USP34: variants seen among roughly 807,000 people sequenced by gnomAD.
The protein encoded by USP34 is ubiquitin specific peptidase 34.
A neutral mutation model predicts 460.3 loss-of-function variants in USP34; 70 were observed. That is an observed-to-expected ratio of 0.15 (90% CI 0.13 to 0.19). The LOEUF (loss-of-function observed/expected upper bound fraction) is 0.19, where lower values mean the gene tolerates loss of function less well. Among genes scored for constraint, USP34 ranks in the 10% least tolerant of loss-of-function variants. USP34 has a pLI of 1.00. For synonymous variants in USP34, 1,647 were observed against 1,405.3 expected (o/e 1.17, Z -3.85); for missense variants, 3,985 against 4,236.2 (o/e 0.94, Z 1.65).
In USP34 at chr2:61,350,550, A is replaced by T; in HGVS notation, c.1377+18T>A. On this transcript the variant is annotated intron_variant, in intron 11 of 79. Transcript: ENST00000398571. ...TTCACGGGAAAAAAAAAAAACTATCATGTTTTGAATGTATTACCTGTTCAG... is the reference window on the plus strand; with the variant it reads ...TTCACGGGAAAAAAAAAAAACTATCTTGTTTTGAATGTATTACCTGTTCAG... 6.3e-7 allele frequency: 1 copy of T among 1,577,734 alleles called. No homozygotes were observed. The highest frequency in any genetic ancestry group is 8.6e-7 in the Non-Finnish European group (1 of 1,168,944).
At chr2:61,467,924 G>C (rs1390711402) in intron 1 of USP34, among the ~76,000 whole-genome samples, 1 of 151,704 alleles carries the variant, frequency 6.6e-6, no homozygotes, top group African/African-American at 2.4e-5. Context: ...AGAGTTGCCC[G>C]GCCAACTCTG....
intron 1 of USP34, among the ~76,000 whole-genome samples, chr2:61,466,850 T>A (rs918374029): frequency 1.7e-4 from 25 of 150,594 alleles, no homozygotes; most frequent in African/African-American, 5.9e-4. Context: ...AGGTGGAGGT[T>A]GCAGCTAGCC....
intron 37 of USP34, among the ~76,000 whole-genome samples, chr2:61,282,723 G>T (rs980613081): frequency 6.6e-6 from 1 of 152,096 alleles, no homozygotes; most frequent in Non-Finnish European, 1.5e-5. Context: ...CCAGGAGGTT[G>T]AGGCTGCAGG....
At chr2:61,226,010 A>C (rs1347116978) in intron 62 of USP34, among the ~76,000 whole-genome samples, 3 of 152,176 alleles carry the variant, frequency 2.0e-5, no homozygotes, top group Non-Finnish European at 4.4e-5. Context: ...ACTGGACTGT[A>C]ATGGCTATTC....
chr2:61,316,436 T>C (rs1431061664), intron 23 of USP34, among the ~76,000 whole-genome samples: 1 of 150,504 alleles, frequency 6.6e-6, no homozygotes, highest in African/African-American at 2.5e-5. Flanking sequence ...AATACAAAAA[T>C]TAGCTGGGCG....
intron 16 of USP34, 53 bp from the exon 17 acceptor site, chr2:61,339,734 T>A (rs1428640586): frequency 1.0e-6 from 1 of 974,190 alleles, no homozygotes; most frequent in Admixed American, 3.3e-5. Context: ...AGCTGACTGA[T>A]TATAGCATTC....
chr2:61,457,437 T>A (rs527272208), intron 1 of USP34, among the ~76,000 whole-genome samples: 1 of 152,320 alleles, frequency 6.6e-6, no homozygotes, highest in South Asian at 2.1e-4. Context: ...ACGGCCTACT[T>A]ATAGCTTTTA....
rs752642595 is a variant in USP34 at position 61,405,719 on chromosome 2, G to C, written c.541C>G (p.Pro181Ala). ...LYTAYKHNTH[P>A]TIEDISTQES... ...CCTATTTTACATACCTCAATAGTAG[G>C]GTGAGTATTATGCTTGTAAGCAGTA... The change falls in exon 3 of 80, where the codon CCT (proline) becomes GCT (alanine). Residue 181 changes from proline (P) to alanine (A), a missense_variant. By Grantham distance (27) the Pro-to-Ala change is conservative (BLOSUM62 -1). Around this residue, in one of 14 missense-constraint regions of USP34, gnomAD observed 331 missense variants for 293.7 expected, o/e 1.13. Coordinates refer to ENST00000398571, the MANE Select transcript of USP34 (RefSeq NM_014709.4). The C allele has an allele frequency of 5.8e-6, 9 of 1,548,554 alleles. No individual in the cohort carries two copies. The Admixed American group carries it at 1.5e-4, about 25-fold the overall frequency.
rs774308916 is a variant in USP34 at position 61,188,260 on chromosome 2, C to T, written c.10483G>A (p.Asp3495Asn). Residue 3495 changes from aspartate (D) to asparagine (N), a missense_variant, in exon 80 of 80, where the codon GAC (aspartate) becomes AAC (asparagine). Transcript: ENST00000398571. ...SCDGQALPSQ[D>N]PEVALSLSCG... ...CTGAGAGATAAAGCAACCTCAGGGT[C>T]CTGGGAGGGCAAAGCTTGGCCATCA... is the stretch of plus-strand genomic sequence containing the variant. The T allele has an allele frequency of 1.9e-6, 3 of 1,613,910 alleles. No individual in the cohort carries two copies. The highest frequency in any genetic ancestry group is 4.5e-5 in the East Asian group (2 of 44,890).
At chr2:61,348,521 C>A (rs1236679623) in intron 14 of USP34, 41 bp from the exon 15 acceptor site, 40 of 1,565,796 alleles carry the variant, frequency 2.6e-5, no homozygotes, top group Middle Eastern at 3.4e-4. Context: ...ATATTTAAAC[C>A]AGTAAGAAAA....
At chr2:61,194,675 G>A (rs56298579) in intron 75 of USP34, among the ~76,000 whole-genome samples, 3,766 of 152,298 alleles carry the variant, frequency 0.025, 168 homozygotes, top group African/African-American at 0.086. Flanking sequence ...ATATTTTGGG[G>A]CCAGGCGCAG....
Position 61,470,684 on chromosome 2 carries a change from C to T in USP34, c.9G>A (p.Glu3=), listed in dbSNP as rs758711888. The T allele has an allele frequency of 6.3e-7, 1 of 1,593,786 alleles. No homozygotes were observed. Among genetic ancestry groups the T allele is most frequent in the Non-Finnish European group, 8.5e-7 (1 of 1,170,652 alleles). The part of the protein sequence containing the change: MC[E]NCADLVEVLN... ...ACACCTCCACCAGGTCTGCGCAGTTCTCGCACATCGTTCGGCCGCCGCCCC... is the reference window on the plus strand; with the variant it reads ...ACACCTCCACCAGGTCTGCGCAGTTTTCGCACATCGTTCGGCCGCCGCCCC... The change falls in exon 1 of 80, where the codon GAG becomes GAA. Residue 3 remains glutamate, a synonymous_variant. Transcript: ENST00000398571.
chr2:61,296,510 A>C (rs908483666), intron 30 of USP34, among the ~76,000 whole-genome samples: 1 of 152,212 alleles, frequency 6.6e-6, no homozygotes, highest in African/African-American at 2.4e-5. Flanking sequence ...AGAACAAAAA[A>C]CAATATTAAA....
chr2:61,324,451 G>C (rs886944540), intron 21 of USP34, among the ~76,000 whole-genome samples: 1 of 152,106 alleles, frequency 6.6e-6, no homozygotes, highest in African/African-American at 2.4e-5. Flanking sequence ...CAACCAAAGG[G>C]ACAGCAAGAT....
At chr2:61,232,647 C>A in intron 57 of USP34, 115 bp from the exon 58 acceptor site, 4 of 871,152 alleles carry the variant, frequency 4.6e-6, no homozygotes, top group Non-Finnish European at 7.1e-6. Flanking sequence ...TAAGTTCTTA[C>A]CAGAAAAGTT....
At chr2:61,280,597 G>T (rs1401198700) in intron 38 of USP34, among the ~76,000 whole-genome samples, 1 of 152,010 alleles carries the variant, frequency 6.6e-6, no homozygotes, top group Admixed American at 6.6e-5. Flanking sequence ...ATATGAACAG[G>T]GAGGAAAATA....
chr2:61,265,765 GC>G (rs1478532687), intron 42 of USP34: 1 of 677,396 alleles, frequency 1.5e-6, no homozygotes, highest in African/African-American at 1.9e-5. Flanking sequence ...ATTTTACTTG[GC>G]CCCAAATTAC....
At chr2:61,428,342 G>A (rs926472261) in intron 1 of USP34, among the ~76,000 whole-genome samples, 5 of 151,436 alleles carry the variant, frequency 3.3e-5, no homozygotes, top group Admixed American at 1.3e-4. Context: ...TGACTTTCAC[G>A]TAGAAATAGC....
At chr2:61,318,282 T>C (rs558243062) in intron 22 of USP34, among the ~76,000 whole-genome samples, 28 of 152,274 alleles carry the variant, frequency 1.8e-4, no homozygotes, top group East Asian at 1.2e-3. Flanking sequence ...GGCTTCAATT[T>C]TGAAGATGTA....
Sources: gnomAD v4.1 joint callset for allele counts (sites outside exome capture counted in the v4.1 genomes callset) on GRCh38, gnomAD v4.1.1 for gene constraint, gnomAD v4.1.1 regional missense constraint, MANE v1.5 for transcripts, NCBI Gene and HGNC (gene_info 2026-07-23, HGNC 2026-07-21) for gene names.